The following MLLT3 variants were observed in gnomAD, a reference collection of about 807,000 sequenced individuals.
The protein encoded by MLLT3 is protein AF-9.
In MLLT3, 4 loss-of-function variants were observed where a neutral mutation model predicts 53.2. The ratio of observed to expected loss-of-function variants is 0.08; its 90% confidence interval spans 0.04 to 0.17. The LOEUF (loss-of-function observed/expected upper bound fraction) is 0.17. Among genes scored for constraint, MLLT3 ranks in the 10% least tolerant of loss-of-function variants. The pLI is 1.00. For missense variants in MLLT3, 569 were observed against 684.0 expected, an observed-to-expected ratio of 0.83 and a Z score of 1.87; for synonymous variants, 283 against 230.6, an observed-to-expected ratio of 1.23 and a Z score of -2.06.
intron 2 of MLLT3, among the ~76,000 whole-genome samples, chr9:20,555,777 G>A (rs1819042405): frequency 6.6e-6 from 1 of 152,102 alleles, no homozygotes; most frequent in South Asian, 2.1e-4. Flanking sequence ...GAAGCAAACT[G>A]GTCTTGATGC....
At chr9:20,457,777 C>G (rs1171112467) in intron 2 of MLLT3, among the ~76,000 whole-genome samples, 1 of 152,190 alleles carries the variant, frequency 6.6e-6, no homozygotes, top group East Asian at 1.9e-4. Flanking sequence ...TAGGCAAGCT[C>G]TTGGGGAATG....
chr9:20,610,038 T>C (rs913294649), intron 2 of MLLT3, among the ~76,000 whole-genome samples: 1 of 152,152 alleles, frequency 6.6e-6, no homozygotes, highest in Admixed American at 6.6e-5. Flanking sequence ...AATTGCAGAA[T>C]TTATCCTTTT....
At chr9:20,470,396 G>A (rs1824357858) in intron 2 of MLLT3, among the ~76,000 whole-genome samples, 1 of 152,040 alleles carries the variant, frequency 6.6e-6, no homozygotes, top group Middle Eastern at 3.4e-3. Context: ...CTCCCTGTGT[G>A]TTGTCATTTC....
chr9:20,598,356 A>T (rs1452162593), intron 2 of MLLT3, among the ~76,000 whole-genome samples: 1 of 152,202 alleles, frequency 6.6e-6, no homozygotes, highest in East Asian at 1.9e-4. Context: ...ATCCACTTAC[A>T]AATCTATCTC....
chr9:20,365,031 A>T (rs1821415512), intron 6 of MLLT3, among the ~76,000 whole-genome samples: 1 of 152,224 alleles, frequency 6.6e-6, no homozygotes, highest in Non-Finnish European at 1.5e-5. Flanking sequence ...GTAGAAAAAA[A>T]ATATGTCCAG....
At chr9:20,389,065 C>T (rs77679378) in intron 5 of MLLT3, among the ~76,000 whole-genome samples, 3,514 of 152,286 alleles carry the variant, frequency 0.023, 100 homozygotes, top group African/African-American at 0.076. Flanking sequence ...CTGTTTTCAG[C>T]CATTCACGGC....
intron 7 of MLLT3, among the ~76,000 whole-genome samples, chr9:20,361,826 T>G (rs1821331021): frequency 6.6e-6 from 1 of 152,222 alleles, no homozygotes; most frequent in Non-Finnish European, 1.5e-5. Flanking sequence ...TAATGTAATA[T>G]GCTTCTCAGA....
chr9:20,601,184 T>C (rs1276671603), intron 2 of MLLT3, among the ~76,000 whole-genome samples: 1 of 152,156 alleles, frequency 6.6e-6, no homozygotes, highest in Non-Finnish European at 1.5e-5. Flanking sequence ...AGTAGAGACA[T>C]ACCATGATAC....
At chr9:20,599,447 A>C (rs1225223684) in intron 2 of MLLT3, among the ~76,000 whole-genome samples, 1 of 132,092 alleles carries the variant, frequency 7.6e-6, no homozygotes, top group East Asian at 2.2e-4. Context: ...AACAATTAGT[A>C]ACCAGATGTT....
At chr9:20,489,622 A>C (rs1386794613) in intron 2 of MLLT3, among the ~76,000 whole-genome samples, 6 of 152,338 alleles carry the variant, frequency 3.9e-5, no homozygotes, top group African/African-American at 1.4e-4. Flanking sequence ...CAATAGCTGT[A>C]CTTACAACCT....
At chr9:20,403,993 T>C (rs1400504745) in intron 5 of MLLT3, among the ~76,000 whole-genome samples, 1 of 152,102 alleles carries the variant, frequency 6.6e-6, no homozygotes, top group Non-Finnish European at 1.5e-5. Context: ...CTAATTTTTG[T>C]ATTTTTTTGT....
Position 20,505,780 on chromosome 9 carries a change from C to G in MLLT3, c.194-48994G>C, listed in dbSNP as rs182430457. 9.3e-4 allele frequency among the ~76,000 whole-genome samples: 141 copies of G among 152,230 alleles called. 1 individual carries two copies. The South Asian group carries it at 0.015, about 16-fold the overall frequency. On this transcript the variant is annotated intron_variant, in intron 2 of 10. Transcript: ENST00000380338. The stretch of plus-strand genomic sequence containing the variant: ...CCTCTATGCCTGTATTGCGTCACCT[C>G]GGAAGGCTTATGTTACAGGTAAGCA...
chr9:20,395,626 A>C (rs1327767938), intron 5 of MLLT3, among the ~76,000 whole-genome samples: 1 of 152,196 alleles, frequency 6.6e-6, no homozygotes, highest in Non-Finnish European at 1.5e-5. Context: ...AAAACTTGGC[A>C]TCTTTCTCCC....
chr9:20,456,578 G>T, intron 3 of MLLT3, 126 bp downstream of exon 3: 1 of 678,402 alleles, frequency 1.5e-6, no homozygotes. Context: ...ATTCCTAGAA[G>T]ACAAATTTAA....
chr9:20,496,559 T>G lies in MLLT3; in HGVS notation c.194-39773A>C, dbSNP rs553816018. Among the ~76,000 whole-genome samples, 11 of 152,016 alleles carry G rather than the reference T, an allele frequency of 7.2e-5. No individual in the cohort carries two copies. In the East Asian group the frequency reaches 1.9e-3, roughly 27 times the overall value. On this transcript the variant is annotated intron_variant, in intron 2 of 10. Transcript: ENST00000380338. The stretch of plus-strand genomic sequence containing the variant: ...CGCACTGTAAAAACACACACACACA[T>G]TAAAAAAAATAAGCACTACAATTAC...
At chr9:20,433,813 G>C (rs912790925) in intron 4 of MLLT3, among the ~76,000 whole-genome samples, 1 of 151,926 alleles carries the variant, frequency 6.6e-6, no homozygotes, top group Non-Finnish European at 1.5e-5. Context: ...GGATCCTTTT[G>C]CTATCAAAAT....
intron 4 of MLLT3, among the ~76,000 whole-genome samples, chr9:20,423,886 C>T (rs1823078790): frequency 6.6e-6 from 1 of 151,888 alleles, no homozygotes; most frequent in Admixed American, 6.6e-5. Flanking sequence ...TCACTTGTGC[C>T]TAGGAAGTCA....
At chr9:20,350,656 G>A (rs185711825) in intron 10 of MLLT3, among the ~76,000 whole-genome samples, 35 of 152,172 alleles carry the variant, frequency 2.3e-4, no homozygotes, top group African/African-American at 8.2e-4. Context: ...AAGGAAGAGT[G>A]TGTAAACTGC....
At chr9:20,420,312 C>A (rs1485130721) in intron 4 of MLLT3, among the ~76,000 whole-genome samples, 2 of 152,088 alleles carry the variant, frequency 1.3e-5, no homozygotes, top group African/African-American at 4.8e-5. Flanking sequence ...AATAAACTGT[C>A]AGACTGGGCT....
Sources: gnomAD v4.1 joint callset for allele counts (sites outside exome capture counted in the v4.1 genomes callset) on GRCh38, gnomAD v4.1.1 for gene constraint, MANE v1.5 for transcripts, NCBI Gene and HGNC (gene_info 2026-07-23, HGNC 2026-07-21) for gene names.